The following RSL24D1 variants were observed in gnomAD, a reference collection of about 807,000 sequenced individuals.
RSL24D1 encodes the protein ribosomal L24 domain containing 1, also known as probable ribosome biogenesis protein RLP24.
A neutral mutation model predicts 26.2 loss-of-function variants in RSL24D1; 6 were observed. The ratio of observed to expected loss-of-function variants is 0.23; its 90% confidence interval spans 0.13 to 0.45. RSL24D1 has a LOEUF of 0.45. Among genes scored for constraint, RSL24D1 ranks in the 20% least tolerant of loss-of-function variants. The probability of loss-of-function intolerance (pLI) is 0.99; values close to 1 mark genes in which losing one functional copy is unlikely to be tolerated. For missense variants in RSL24D1, 176 were observed against 202.6 expected (o/e 0.87, Z 0.80); for synonymous variants, 61 against 59.1 (o/e 1.03, Z -0.15).
In RSL24D1 at chr15:55,196,591, A is replaced by C. The variant is rs905450231; in HGVS notation, c.81+219T>G. 5.0e-6 allele frequency: 3 copies of C among 596,648 alleles called. No homozygotes were observed. The African/African-American group carries it at 5.6e-5, about 11-fold the overall frequency. 37.0% of individuals were successfully genotyped at this position (596,648 alleles called of 1,614,324 possible). ...AAGTTCCTCGCTGCCAACGCCACCC[A>C]AGGGTGGCGTGGTGGCCAGCGCCGC... On this transcript the variant is annotated intron_variant, in intron 1 of 5. Transcript: ENST00000260443.
intron 1 of RSL24D1, 65 bp from the exon 2 acceptor site, chr15:55,192,898 C>T (rs1344606815): frequency 2.0e-6 from 2 of 996,160 alleles, no homozygotes; most frequent in African/African-American, 3.2e-5. Flanking sequence ...AGACGTTACC[C>T]CTGCTAGACA....
intron 4 of RSL24D1, among the ~76,000 whole-genome samples, chr15:55,184,223 C>T (rs574103840): frequency 3.0e-4 from 45 of 152,174 alleles, no homozygotes; most frequent in African/African-American, 9.9e-4. Flanking sequence ...GAAGAGGAAA[C>T]ATCTTGTTAG....
At chr15:55,195,434 A>G (rs924125393) in intron 1 of RSL24D1, 6 of 152,208 alleles carry the variant, frequency 3.9e-5, no homozygotes, top group African/African-American at 1.4e-4. Flanking sequence ...ATTTCCTCCA[A>G]CAACTCTCTT....
At chr15:55,183,982 G>A (rs1363642857) in intron 4 of RSL24D1, among the ~76,000 whole-genome samples, 1 of 152,112 alleles carries the variant, frequency 6.6e-6, no homozygotes, top group Non-Finnish European at 1.5e-5. Flanking sequence ...AAATAGATAA[G>A]TCTCTGTTAT....
chr15:55,190,997 C>A lies in RSL24D1; in HGVS notation c.246G>T (p.Gln82His). ...TACTAGTTTTATTCCATAGCTCTCG[C>A]TGGTATTTGATAGGTTCATTTCTAC... is the stretch of plus-strand genomic sequence containing the variant. ...EKRRNEPIKY[Q>H]RELWNKTIDA... The change falls in exon 3 of 6, where the codon CAG becomes CAT. Residue 82 changes from glutamine to histidine, a missense_variant. By Grantham distance (24) the Gln-to-His change is conservative. Transcript: ENST00000260443. The A allele has an allele frequency of 6.2e-7, 1 of 1,604,464 alleles. No individual in the cohort carries two copies. The highest frequency in any genetic ancestry group is 8.5e-7 in the Non-Finnish European group (1 of 1,176,488).
rs766496104 is a variant in RSL24D1, at chr15:55,196,844, C to T, written c.47G>A (p.Gly16Glu). 11 of 1,614,174 alleles carry T rather than the reference C, an allele frequency of 6.8e-6. No individual in the cohort carries two copies. The highest frequency in any genetic ancestry group is 9.3e-6 in the Non-Finnish European group (11 of 1,180,034). Reference sequence around the variant, plus strand: ...GTTGCGGACGAACATCATGCCGTGTCCAGGATAGATGGGCCCCGAACAGAA... The same window carrying T: ...GTTGCGGACGAACATCATGCCGTGTTCAGGATAGATGGGCCCCGAACAGAA... ...CYFCSGPIYP[G>E]HGMMFVRNDC... The change falls in exon 1 of 6, where the codon GGA (glycine) becomes GAA (glutamate). Residue 16 changes from glycine (G) to glutamate (E), a missense_variant. This residue lies in a region of RSL24D1 where 44 missense variants were observed against 28.8 expected (regional missense o/e 1.53). Coordinates refer to ENST00000260443, the MANE Select transcript of RSL24D1 (RefSeq NM_016304.3).
chr15:55,187,692 T>C (rs540931658), intron 3 of RSL24D1, among the ~76,000 whole-genome samples: 19 of 151,804 alleles, frequency 1.3e-4, no homozygotes, highest in Admixed American at 5.9e-4. Context: ...GGGGCTAAGC[T>C]ATGGGCACGC....
At position 55,190,864 on chromosome 15, in the gene RSL24D1, G is replaced by A. The variant is rs74018309; in HGVS notation, c.268+111C>T. 0.011 allele frequency: 7,908 copies of A among 717,048 alleles called. 492 individuals carry two copies. In the African/African-American group the frequency reaches 0.13, roughly 11 times the overall value. The allele number at this position is 717,048 out of a possible 1,614,324, so 44.4% of individuals were successfully genotyped here. A position where few individuals can be genotyped will look rare whatever the true frequency, so the allele number is the denominator to read the frequency against. On this transcript the variant is annotated intron_variant, in intron 3 of 5. Coordinates refer to ENST00000260443, the MANE Select transcript of RSL24D1 (RefSeq NM_016304.3). ...ATGAGGATAAAATAATAAAAGCCAA[G>A]GAATGATAAATGGAAAATTCAATAT... is the stretch of plus-strand genomic sequence containing the variant.
chr15:55,192,618 T>C (rs777781527), intron 2 of RSL24D1, 102 bp downstream of exon 2: 1 of 750,606 alleles, frequency 1.3e-6, no homozygotes, highest in Non-Finnish European at 2.4e-6. Context: ...TTATTAATCA[T>C]GTTATAGGAG....
At chr15:55,185,607 C>T (rs903638181) in intron 3 of RSL24D1, among the ~76,000 whole-genome samples, 182 bp from the exon 4 acceptor site, 2 of 152,124 alleles carry the variant, frequency 1.3e-5, no homozygotes, top group Admixed American at 6.6e-5. Flanking sequence ...CATCATGACT[C>T]TCAACATTCT....
chr15:55,196,941 T>A lies in RSL24D1; in HGVS notation c.-51A>T. 3.2e-6 allele frequency: 5 copies of A among 1,569,072 alleles called. No individual in the cohort carries two copies. The highest frequency in any genetic ancestry group is 4.4e-6 in the Non-Finnish European group (5 of 1,140,240). Reference sequence around the variant, plus strand: ...AACAAACGCCAAGCTTGAGAGGAAGTGATGCAACCCCGTCACCGGAAGTTA... The same window carrying A: ...AACAAACGCCAAGCTTGAGAGGAAGAGATGCAACCCCGTCACCGGAAGTTA... On this transcript the variant is annotated 5_prime_UTR_variant, in exon 1 of 6. Coordinates refer to ENST00000260443, the MANE Select transcript of RSL24D1 (RefSeq NM_016304.3).
chr15:55,190,931 A>C (rs759251574), intron 3 of RSL24D1, 44 bp downstream of exon 3: 1 of 1,297,168 alleles, frequency 7.7e-7, no homozygotes, highest in Non-Finnish European at 1.1e-6. Context: ...TATTATCCCA[A>C]ACCAGTCTCT....
At chr15:55,188,289 C>T (rs1318525866) in intron 3 of RSL24D1, among the ~76,000 whole-genome samples, 1 of 152,154 alleles carries the variant, frequency 6.6e-6, no homozygotes, top group Non-Finnish European at 1.5e-5. Flanking sequence ...ATCTTAAATT[C>T]CAAAGACTCT....
chr15:55,187,638 C>A (rs10162819), intron 3 of RSL24D1, among the ~76,000 whole-genome samples: 5 of 151,880 alleles, frequency 3.3e-5, no homozygotes, highest in Non-Finnish European at 7.4e-5. Flanking sequence ...ATGAAGTAAC[C>A]CAGGAATAGA....
At chr15:55,188,110 T>A (rs1317576213) in intron 3 of RSL24D1, among the ~76,000 whole-genome samples, 1 of 152,200 alleles carries the variant, frequency 6.6e-6, no homozygotes, top group Non-Finnish European at 1.5e-5. Flanking sequence ...CACAATTTGA[T>A]AATGTAAGCA....
rs745829438 is a variant in RSL24D1, at chr15:55,196,822, G to A, written c.69C>T (p.Arg23=). The A allele has an allele frequency of 2.1e-5, 34 of 1,614,070 alleles. 1 individual carries two copies. In the South Asian group the frequency reaches 3.7e-4, roughly 18 times the overall value. Residue 23 remains arginine, a synonymous_variant, in exon 1 of 6, where the codon CGC becomes CGT. Coordinates refer to ENST00000260443, the MANE Select transcript of RSL24D1 (RefSeq NM_016304.3). ...TCGACCGCCTTACCTTGCAATCGTT[G>A]CGGACGAACATCATGCCGTGTCCAG... ...IYPGHGMMFV[R]NDCKVFRFCK... is the part of the protein sequence containing the mutation.
intron 1 of RSL24D1, among the ~76,000 whole-genome samples, chr15:55,193,434 C>G (rs1475651925): frequency 6.6e-6 from 1 of 152,168 alleles, no homozygotes; most frequent in Non-Finnish European, 1.5e-5. Flanking sequence ...TATTAGGACT[C>G]ATTTTATAAA....
chr15:55,186,361 C>G (rs1416895465), intron 3 of RSL24D1, among the ~76,000 whole-genome samples: 2 of 152,096 alleles, frequency 1.3e-5, no homozygotes, highest in Admixed American at 1.3e-4. Flanking sequence ...AACAGTAACT[C>G]TTCAGTGGAA....
Position 55,181,996 on chromosome 15 carries a change from G to A in RSL24D1, c.*156C>T, listed in dbSNP as rs1333046216. The A allele has an allele frequency of 2.5e-5, 14 of 556,598 alleles. No homozygotes were observed. Among genetic ancestry groups the A allele is most frequent in the Non-Finnish European group, 2.9e-5 (9 of 308,980 alleles). The allele number at this position is 556,598 out of a possible 1,614,324, so 34.5% of individuals were successfully genotyped here. ...AACACTGAGATGCAATCTAACATCC[G>A]TAATATCTGATATTATGTAGATGGC... On this transcript the variant is annotated 3_prime_UTR_variant, in exon 6 of 6. Coordinates refer to ENST00000260443, the MANE Select transcript of RSL24D1 (RefSeq NM_016304.3).
Sources: gnomAD v4.1 joint callset for allele counts (sites outside exome capture counted in the v4.1 genomes callset) on GRCh38, gnomAD v4.1.1 for gene constraint, gnomAD v4.1.1 regional missense constraint, MANE v1.5 for transcripts, NCBI Gene and HGNC (gene_info 2026-07-23, HGNC 2026-07-21) for gene names.